Variants in SUGCT observed in about 807,000 individuals in gnomAD.
The protein encoded by SUGCT is succinyl-CoA:glutarate CoA-transferase.
SUGCT carries 41 observed loss-of-function variants against 55.0 expected under a neutral mutation model. That is an observed-to-expected ratio of 0.74 (90% CI 0.58 to 0.97). SUGCT has a LOEUF of 0.97. Ranked by LOEUF, SUGCT falls within the 50% of genes least tolerant of loss-of-function variation. The pLI is 0.00. For synonymous variants in SUGCT, 187 were observed against 200.4 expected (o/e 0.93, Z 0.56); for missense variants, 568 against 547.8 (o/e 1.04, Z -0.37).
chr7:40,848,841 TTA>T (rs1793712395), intron 13 of SUGCT, among the ~76,000 whole-genome samples: 8 of 152,218 alleles, frequency 5.3e-5, no homozygotes, highest in Admixed American at 5.2e-4. Flanking sequence ...TCCATGCTAG[TTA>T]AATAGCTTTC....
chr7:40,295,481 C>T (rs1794072185), intron 8 of SUGCT, among the ~76,000 whole-genome samples: 1 of 152,142 alleles, frequency 6.6e-6, no homozygotes, highest in African/African-American at 2.4e-5. Context: ...GTAGCTGAGG[C>T]AGGCGAATCA....
the SUGCT span, among the ~76,000 whole-genome samples, chr7:41,021,431 G>C: frequency 6.6e-6 from 1 of 152,086 alleles, no homozygotes; most frequent in Non-Finnish European, 1.5e-5. Flanking sequence ...AGTAGGAGGT[G>C]AATCTGTAAT....
intron 12 of SUGCT, among the ~76,000 whole-genome samples, chr7:40,527,984 C>G (rs1329210835): frequency 6.6e-6 from 1 of 152,116 alleles, no homozygotes; most frequent in Non-Finnish European, 1.5e-5. Context: ...GTAGTACAGC[C>G]TAGTGGATAG....
intron 11 of SUGCT, among the ~76,000 whole-genome samples, chr7:40,470,274 T>C (rs1023905289): frequency 1.3e-5 from 2 of 152,114 alleles, no homozygotes; most frequent in African/African-American, 4.8e-5. Flanking sequence ...AGTTCTGCTC[T>C]GTACTTTGCC....
intron 9 of SUGCT, among the ~76,000 whole-genome samples, chr7:40,324,261 A>ATATATATATATATATATTTATT (rs377215730): frequency 0.02 from 1,963 of 99,390 alleles, 66 homozygotes; most frequent in Admixed American, 0.037. Context: ...AAATATATAT[A>ATATATATATATATATATTTATT]TATTTATTTT....
At chr7:40,943,916 T>G in the SUGCT span, among the ~76,000 whole-genome samples, 343 of 149,938 alleles carry the variant, frequency 2.3e-3, no homozygotes, top group Non-Finnish European at 4.2e-3. Flanking sequence ...AGTGTTCCTA[T>G]TTCTCCACAT....
chr7:40,691,949 T>A (rs936561647), intron 12 of SUGCT, among the ~76,000 whole-genome samples: 1 of 152,188 alleles, frequency 6.6e-6, no homozygotes, highest in East Asian at 1.9e-4. Context: ...GGATTCTTAT[T>A]GAAATGATCT....
At chr7:40,988,940 G>A in the SUGCT span, among the ~76,000 whole-genome samples, 8 of 151,522 alleles carry the variant, frequency 5.3e-5, no homozygotes, top group African/African-American at 1.9e-4. Context: ...AGGCAGGTTT[G>A]ATTCCAGACA....
the SUGCT span, among the ~76,000 whole-genome samples, chr7:41,013,994 G>T: frequency 6.6e-6 from 1 of 152,106 alleles, no homozygotes; most frequent in Non-Finnish European, 1.5e-5. Flanking sequence ...GGATAATTTT[G>T]ACTTAATTTG....
intron 12 of SUGCT, among the ~76,000 whole-genome samples, chr7:40,591,472 C>T (rs994484705): frequency 3.9e-5 from 6 of 152,084 alleles, no homozygotes; most frequent in South Asian, 2.1e-4. Context: ...ATTACTGAAT[C>T]GACAGCAAAG....
intron 12 of SUGCT, among the ~76,000 whole-genome samples, chr7:40,730,393 C>T (rs1264994231): frequency 1.3e-5 from 2 of 152,142 alleles, no homozygotes; most frequent in African/African-American, 4.8e-5. Flanking sequence ...AGGTGTGAGC[C>T]ACCATGCCCA....
chr7:40,293,295 CTA>C (rs1037599180), intron 8 of SUGCT, among the ~76,000 whole-genome samples: 40 of 152,158 alleles, frequency 2.6e-4, no homozygotes, highest in East Asian at 1.5e-3. Flanking sequence ...AACTTGGTCT[CTA>C]AGCTGTACCT....
chr7:40,572,538 G>A (rs185259154), intron 12 of SUGCT, among the ~76,000 whole-genome samples: 140 of 152,136 alleles, frequency 9.2e-4, no homozygotes, highest in African/African-American at 3.2e-3. Context: ...CCCCCAGCAA[G>A]TAGTGAAAAT....
At chr7:40,425,722 C>T (rs1187489775) in intron 9 of SUGCT, among the ~76,000 whole-genome samples, 4 of 152,010 alleles carry the variant, frequency 2.6e-5, no homozygotes, top group South Asian at 4.1e-4. Context: ...TGGAGCCATA[C>T]GCCATTGATA....
At position 40,432,425 on chromosome 7, in the gene SUGCT, C is replaced by T. The variant is rs185845431; in HGVS notation, c.817-16862C>T. Among the ~76,000 whole-genome samples, 8 of 152,154 alleles carry T rather than the reference C, an allele frequency of 5.3e-5. No homozygotes were observed. In the East Asian group the frequency reaches 5.8e-4, roughly 11 times the overall value. On this transcript the variant is annotated intron_variant, in intron 9 of 13. Transcript: ENST00000335693. ...CTCCTTGGCCAGGTGCGGTGGCTTA[C>T]GCCTGTAATCCCAGCACTTTGGGAG...
At chr7:40,374,548 T>C (rs1784449481) in intron 9 of SUGCT, among the ~76,000 whole-genome samples, 1 of 152,206 alleles carries the variant, frequency 6.6e-6, no homozygotes, top group African/African-American at 2.4e-5. Flanking sequence ...AGGTAAAATC[T>C]AGACATATAT....
intron 6 of SUGCT, among the ~76,000 whole-genome samples, chr7:40,232,569 A>G (rs1788780136): frequency 6.6e-6 from 1 of 152,214 alleles, no homozygotes; most frequent in South Asian, 2.1e-4. Context: ...AAAGTCAGAC[A>G]TAATTAAGAA....
At position 40,482,156 on chromosome 7, in the gene SUGCT, G is replaced by A. The variant is rs79943461; in HGVS notation, c.987-14128G>A. Among the ~76,000 whole-genome samples, 12 of 152,268 alleles carry A rather than the reference G, an allele frequency of 7.9e-5. No individual in the cohort carries two copies. The East Asian group carries it at 2.3e-3, about 29-fold the overall frequency. On this transcript the variant is annotated intron_variant, in intron 11 of 13. Coordinates refer to ENST00000335693, the MANE Select transcript of SUGCT (RefSeq NM_001193313.2). The stretch of plus-strand genomic sequence containing the variant: ...TGTATCTGCAATGATGTTTATTGAA[G>A]AAGTACTCAGAAATTTTAGGAAAAT...
chr7:40,390,645 A>G (rs1374275078), intron 9 of SUGCT, among the ~76,000 whole-genome samples: 1 of 152,178 alleles, frequency 6.6e-6, no homozygotes, highest in Non-Finnish European at 1.5e-5. Context: ...GACACAAACA[A>G]ATGGAAGAAC....
Sources: allele counts gnomAD v4.1 joint callset (sites outside exome capture counted in the v4.1 genomes callset), GRCh38; gene constraint gnomAD v4.1.1; transcripts MANE v1.5; gene names NCBI Gene and HGNC (gene_info 2026-07-23, HGNC 2026-07-21).